NRXN3: variants seen among roughly 807,000 people sequenced by gnomAD.
NRXN3 encodes neurexin 3, also known as neurexin III.
A neutral mutation model predicts 137.6 loss-of-function variants in NRXN3; 32 were observed. The observed-to-expected ratio is 0.23, with a 90% CI of 0.18 to 0.31. The LOEUF (loss-of-function observed/expected upper bound fraction) is 0.31, where lower values mean the gene tolerates loss of function less well. NRXN3 is among the 10% of genes least tolerant of loss of function. The pLI, the probability that NRXN3 is intolerant of heterozygous loss-of-function variation, is 1.00. For missense variants in NRXN3, 1,574 were observed against 2,062.5 expected, an observed-to-expected ratio of 0.76 and a Z score of 4.59; for synonymous variants, 798 against 784.5, an observed-to-expected ratio of 1.02 and a Z score of -0.29.
intron 8 of NRXN3, among the ~76,000 whole-genome samples, chr14:78,726,620 C>G (rs1341802582): frequency 6.8e-6 from 1 of 147,912 alleles, no homozygotes; most frequent in Non-Finnish European, 1.5e-5. Context: ...TGGGCTCAAG[C>G]CATCCTGCCA....
chr14:79,292,767 G>A (rs1324634472), intron 15 of NRXN3, among the ~76,000 whole-genome samples: 1 of 152,212 alleles, frequency 6.6e-6, no homozygotes, highest in African/African-American at 2.4e-5. Flanking sequence ...GTAGGTAAAT[G>A]TGTGAACCAA....
intron 17 of NRXN3, among the ~76,000 whole-genome samples, chr14:79,686,995 G>C (rs1408300529): frequency 6.6e-6 from 1 of 151,996 alleles, no homozygotes. Flanking sequence ...TTGTGCTCTG[G>C]GTCTATTAAT....
chr14:79,584,532 C>T (rs1223673159), intron 16 of NRXN3, among the ~76,000 whole-genome samples: 1 of 152,048 alleles, frequency 6.6e-6, no homozygotes, highest in Non-Finnish European at 1.5e-5. Flanking sequence ...AGAATGCAGG[C>T]GGAAGTTGAT....
intron 4 of NRXN3, among the ~76,000 whole-genome samples, chr14:78,317,221 G>C (rs938780591): frequency 6.6e-6 from 1 of 152,156 alleles, no homozygotes; most frequent in Non-Finnish European, 1.5e-5. Context: ...TTTTGTTATA[G>C]TCAGGTCCTC....
chr14:79,536,644 G>C (rs190222372), intron 16 of NRXN3, among the ~76,000 whole-genome samples: 14 of 151,984 alleles, frequency 9.2e-5, no homozygotes, highest in Middle Eastern at 3.4e-3. Context: ...AGTGAGTTTT[G>C]TTCCCCTCTC....
chr14:79,710,587 G>GATTT (rs1567970604), intron 19 of NRXN3, among the ~76,000 whole-genome samples: 3 of 152,160 alleles, frequency 2.0e-5, no homozygotes, highest in African/African-American at 7.2e-5. Context: ...ACTATGATCT[G>GATTT]GTTTCAAAAA....
rs375101559 is a variant in NRXN3 at position 79,679,740 on chromosome 14, A to G, written c.3617-12433A>G. Among the ~76,000 whole-genome samples the G allele has an allele frequency of 2.0e-5, 3 of 152,340 alleles. No homozygotes were observed. The East Asian group carries it at 5.8e-4, about 29-fold the overall frequency. On this transcript the variant is annotated intron_variant, in intron 17 of 20. Transcript: ENST00000335750. Reference sequence around the variant, plus strand: ...CTAATATTCAATACAGAGTAGCGGAATCTGGGTGCCAGATAAATATTTAAC... The same window carrying G: ...CTAATATTCAATACAGAGTAGCGGAGTCTGGGTGCCAGATAAATATTTAAC...
intron 4 of NRXN3, among the ~76,000 whole-genome samples, chr14:78,481,970 C>A (rs1183650960): frequency 6.6e-6 from 1 of 152,122 alleles, no homozygotes; most frequent in Non-Finnish European, 1.5e-5. Flanking sequence ...GATATAATAT[C>A]CATGTAGATA....
intron 15 of NRXN3, among the ~76,000 whole-genome samples, chr14:79,376,071 C>G (rs1368697017): frequency 6.9e-6 from 1 of 145,168 alleles, no homozygotes; most frequent in Non-Finnish European, 1.5e-5. Context: ...ATATCTCTCA[C>G]AAATATTGTT....
At chr14:79,383,555 C>G (rs2094527717) in intron 15 of NRXN3, among the ~76,000 whole-genome samples, 1 of 152,160 alleles carries the variant, frequency 6.6e-6, no homozygotes, top group Admixed American at 6.5e-5. Context: ...TTCACTTGCT[C>G]TGCAGCCAAA....
intron 4 of NRXN3, among the ~76,000 whole-genome samples, chr14:78,362,563 T>C (rs1298786320): frequency 1.3e-5 from 2 of 152,210 alleles, no homozygotes; most frequent in African/African-American, 4.8e-5. Context: ...TTCATATCTA[T>C]TAAGAAGGAA....
chr14:78,809,684 T>C (rs573538121), intron 9 of NRXN3, among the ~76,000 whole-genome samples: 1 of 152,184 alleles, frequency 6.6e-6, no homozygotes, highest in African/African-American at 2.4e-5. Flanking sequence ...AGTGTGCCTA[T>C]GCAAATTTCT....
chr14:79,852,394 C>G lies in NRXN3; in HGVS notation c.4094-8948C>G, dbSNP rs2099393688. ...CCTCCTACCCCTAAACTGGTTTTGTCTTGCTGCCCCTAATCCTAGCTTGCT... is the reference window on the plus strand; with the variant it reads ...CCTCCTACCCCTAAACTGGTTTTGTGTTGCTGCCCCTAATCCTAGCTTGCT... On this transcript the variant is annotated intron_variant, in intron 20 of 20. Transcript: ENST00000335750. Among the ~76,000 whole-genome samples the G allele has an allele frequency of 1.3e-5, 2 of 152,074 alleles. 1 individual carries two copies. Among genetic ancestry groups the G allele is most frequent in the South Asian group, 4.1e-4 (2 of 4,828 alleles).
chr14:79,845,516 T>C (rs1222751065), intron 20 of NRXN3, among the ~76,000 whole-genome samples: 1 of 145,994 alleles, frequency 6.8e-6, no homozygotes, highest in East Asian at 2.1e-4. Flanking sequence ...TCTCAGGAAA[T>C]AGGGAGATGG....
intron 1 of NRXN3, among the ~76,000 whole-genome samples, chr14:78,230,808 G>A (rs771454701): frequency 6.6e-6 from 1 of 152,152 alleles, no homozygotes; most frequent in Non-Finnish European, 1.5e-5. Context: ...GGGTCTCAAA[G>A]GCCACAGGGA....
chr14:78,985,017 C>A (rs2099499576), intron 14 of NRXN3, among the ~76,000 whole-genome samples: 1 of 152,200 alleles, frequency 6.6e-6, no homozygotes, highest in African/African-American at 2.4e-5. Flanking sequence ...CTATCTGATT[C>A]TACATGGCCT....
At chr14:78,638,155 G>A (rs1275182152) in intron 4 of NRXN3, among the ~76,000 whole-genome samples, 1 of 152,178 alleles carries the variant, frequency 6.6e-6, no homozygotes, top group African/African-American at 2.4e-5. Flanking sequence ...CTGCAGGCTA[G>A]TGAGTGACCC....
intron 4 of NRXN3, among the ~76,000 whole-genome samples, chr14:78,519,850 A>C (rs1201313565): frequency 6.6e-6 from 1 of 152,192 alleles, no homozygotes; most frequent in Non-Finnish European, 1.5e-5. Flanking sequence ...AGAAGTTTAG[A>C]GATGTTTGTA....
chr14:78,619,007 A>T (rs995256062), intron 4 of NRXN3, among the ~76,000 whole-genome samples: 1 of 152,172 alleles, frequency 6.6e-6, no homozygotes, highest in Non-Finnish European at 1.5e-5. Flanking sequence ...TGATTTGGAC[A>T]TGTACATAGT....
Sources: gnomAD v4.1 joint callset for allele counts (sites outside exome capture counted in the v4.1 genomes callset) on GRCh38, gnomAD v4.1.1 for gene constraint, MANE v1.5 for transcripts, NCBI Gene and HGNC (gene_info 2026-07-23, HGNC 2026-07-21) for gene names.